The following ACTA2 variants were observed in gnomAD, a reference collection of about 807,000 sequenced individuals.
ACTA2 encodes the protein actin, aortic smooth muscle.
ACTA2 carries 12 observed loss-of-function variants against 39.5 expected under a neutral mutation model. The observed-to-expected ratio is 0.30, with a 90% CI of 0.19 to 0.49. The LOEUF is 0.49. Among genes scored for constraint, ACTA2 ranks in the 20% least tolerant of loss-of-function variants. The pLI, the probability that ACTA2 is intolerant of heterozygous loss-of-function variation, is 0.99. For missense variants in ACTA2, 236 were observed against 498.8 expected (o/e 0.47, Z 5.02); for synonymous variants, 158 against 180.6 (o/e 0.88, Z 1.00).
At chr10:88,975,903 T>C (rs1470707174) in intron 1 of ACTA2, among the ~76,000 whole-genome samples, 3 of 152,168 alleles carry the variant, frequency 2.0e-5, no homozygotes, top group Non-Finnish European at 4.4e-5. Flanking sequence ...CATAATACTA[T>C]GCAGTGAGAT....
At chr10:88,967,577 C>A (rs1926203) in intron 1 of ACTA2, among the ~76,000 whole-genome samples, 87,884 of 152,026 alleles carry the variant, frequency 0.58, 26,555 homozygotes, top group Non-Finnish European at 0.66. Flanking sequence ...AAATTATTAC[C>A]TGCAACGCAG....
chr10:88,980,783 A>G (rs1846691744), intron 1 of ACTA2, among the ~76,000 whole-genome samples: 1 of 152,234 alleles, frequency 6.6e-6, no homozygotes, highest in African/African-American at 2.4e-5. Flanking sequence ...GGCAATGATA[A>G]GAAAGAATGA....
chr10:88,951,082 C>T lies in ACTA2; in HGVS notation c.-24+1649G>A, dbSNP rs907947216. On this transcript the variant is annotated intron_variant, in intron 1 of 8. Transcript: ENST00000224784. ...AATGGCTTGCCCTTTCCTTTCCCAC[C>T]CTTCTTTTCCCTTTCCAGATGCTGA... Among the ~76,000 whole-genome samples the T allele has an allele frequency of 2.0e-5, 3 of 152,116 alleles. No individual in the cohort carries two copies. The East Asian group carries it at 5.8e-4, about 29-fold the overall frequency.
intron 2 of ACTA2, 83 bp from the exon 3 acceptor site, chr10:88,947,469 T>C (rs539996537): frequency 8.2e-6 from 13 of 1,585,256 alleles, no homozygotes; most frequent in South Asian, 6.6e-5. Context: ...GGTTAAGTCA[T>C]TGAGATGGGA....
chr10:88,938,370 A>T, intron 7 of ACTA2, 128 bp from the exon 8 acceptor site: 1 of 1,056,288 alleles, frequency 9.5e-7, no homozygotes, highest in Non-Finnish European at 1.5e-6. Flanking sequence ...ATAATCTAGG[A>T]ACCACCTGTC....
chr10:88,980,095 T>C (rs948755463), intron 1 of ACTA2, among the ~76,000 whole-genome samples: 12 of 152,260 alleles, frequency 7.9e-5, no homozygotes, highest in Non-Finnish European at 1.0e-4. Context: ...TATTAATTTT[T>C]AAGTTTTGTT....
chr10:88,988,468 C>T (rs1258305503), intron 1 of ACTA2, among the ~76,000 whole-genome samples: 2 of 129,472 alleles, frequency 1.5e-5, no homozygotes, highest in Non-Finnish European at 3.2e-5. Flanking sequence ...TGTTTTTTTA[C>T]ATAGTCAAGA....
At chr10:88,954,328 A>G (rs1360427125), upstream of ACTA2, among the ~76,000 whole-genome samples, 2 of 152,208 alleles carry the variant, frequency 1.3e-5, no homozygotes, top group African/African-American at 4.8e-5. Flanking sequence ...GGATTTCTCT[A>G]TACTGCTCGG....
intron 1 of ACTA2, among the ~76,000 whole-genome samples, chr10:88,985,479 G>A (rs971061252): frequency 1.6e-4 from 24 of 152,142 alleles, no homozygotes; most frequent in African/African-American, 5.6e-4. Flanking sequence ...TTCTACCCAA[G>A]TGCTCTGGGG....
upstream of ACTA2, among the ~76,000 whole-genome samples, chr10:88,956,024 T>C (rs1252183652): frequency 6.6e-6 from 1 of 152,184 alleles, no homozygotes; most frequent in Admixed American, 6.5e-5. Context: ...GTGAGCACGA[T>C]GTAATTATTA....
intron 1 of ACTA2, among the ~76,000 whole-genome samples, chr10:88,989,850 C>G (rs1487228743): frequency 6.6e-6 from 1 of 152,204 alleles, no homozygotes; most frequent in African/African-American, 2.4e-5. Context: ...CAGTCTGGAA[C>G]TGCATCCAAA....
At position 88,939,494 on chromosome 10, in the gene ACTA2, G is replaced by A. The variant is rs779539824; in HGVS notation, c.808+13C>T. 36 of 1,612,354 alleles carry A rather than the reference G, an allele frequency of 2.2e-5. No individual in the cohort carries two copies. The highest frequency in any genetic ancestry group is 6.7e-5 in the East Asian group (3 of 44,866). ...TGACTCCCCTTCCCAGGAAAAGGGC[G>A]TTTGTTGCCTACCGATGAAGGATGG... On this transcript the variant is annotated intron_variant, in intron 7 of 8. Coordinates refer to ENST00000224784, the MANE Select transcript of ACTA2 (RefSeq NM_001613.4).
Position 88,962,980 on chromosome 10 carries a change from A to AT in ACTA2, c.-23-14028dup, listed in dbSNP as rs199985739. Among the ~76,000 whole-genome samples, 7 of 82,340 alleles carry AT rather than the reference A, an allele frequency of 8.5e-5. No individual in the cohort carries two copies. In the East Asian group the frequency reaches 1.3e-3, roughly 15 times the overall value. 54.0% of individuals were successfully genotyped at this position (82,340 alleles called of 152,430 possible). On this transcript the variant is annotated intron_variant, in intron 1 of 4. Transcript: ENST00000415557. ...ATATATATATATATATATATATAAT[A>AT]TTTTTTTTTTTGCAAAAAGGCACAT... is the stretch of plus-strand genomic sequence containing the variant.
At chr10:88,955,840 G>A (rs1478038361), upstream of ACTA2, among the ~76,000 whole-genome samples, 2 of 152,114 alleles carry the variant, frequency 1.3e-5, no homozygotes, top group Admixed American at 1.3e-4. Context: ...AATACACGGG[G>A]GTTATGATTC....
chr10:88,980,206 G>A (rs1846676394), intron 1 of ACTA2, among the ~76,000 whole-genome samples: 1 of 151,838 alleles, frequency 6.6e-6, no homozygotes, highest in African/African-American at 2.4e-5. Context: ...ACATGAGCAG[G>A]AATTAAACAT....
In ACTA2 at chr10:88,990,872, C is replaced by A. The variant is rs193250321; in HGVS notation, c.-24+67G>T. 13 of 1,614,238 alleles carry A rather than the reference C, an allele frequency of 8.1e-6. 1 individual carries two copies. Among genetic ancestry groups the A allele is most frequent in the Middle Eastern group, 1.6e-4 (1 of 6,062 alleles). ...TCTTTCACTTCGGAGGATTGCTCAACAACCATGCTGGGCATCTGGACCCTC... is the reference window on the plus strand; with the variant it reads ...TCTTTCACTTCGGAGGATTGCTCAAAAACCATGCTGGGCATCTGGACCCTC... On this transcript the variant is annotated intron_variant, in intron 1 of 4. Coordinates refer to the ACTA2 transcript ENST00000415557. This position sits in a 1 kb window ranked among gnomAD's most constrained non-coding sequence, Gnocchi z 4.9.
Position 88,946,275 on chromosome 10 carries a change from C to CTTTT in ACTA2, c.258+979_258+982dup, listed in dbSNP as rs35702314. 6.7e-4 allele frequency among the ~76,000 whole-genome samples: 79 copies of CTTTT among 117,066 alleles called. 2 individuals are homozygous for CTTTT. Among genetic ancestry groups the CTTTT allele is most frequent in the African/African-American group, 1.8e-3 (55 of 30,394 alleles). 76.8% of individuals were successfully genotyped at this position (117,066 alleles called of 152,430 possible). On this transcript the variant is annotated intron_variant, in intron 3 of 8. Transcript: ENST00000224784. ...TGCCACCACACACTGTTAATTAAAC[C>CTTTT]TTTTTTTTTTTTTTTTTTTCAGTAG...
chr10:88,947,770 T>C (rs531476451), intron 2 of ACTA2, among the ~76,000 whole-genome samples: 1 of 152,330 alleles, frequency 6.6e-6, no homozygotes, highest in Admixed American at 6.5e-5. Context: ...TACATATTTG[T>C]TAAATGGCAT....
intron 4 of ACTA2, chr10:88,943,553 G>A: frequency 1.8e-6 from 1 of 545,642 alleles, no homozygotes. Context: ...CTTAAACGTG[G>A]CCCCTTCTCA....
Sources: allele counts gnomAD v4.1 joint callset (sites outside exome capture counted in the v4.1 genomes callset), GRCh38; gene constraint gnomAD v4.1.1; non-coding constraint Gnocchi (gnomAD v3.1); transcripts MANE v1.5; gene names NCBI Gene and HGNC (gene_info 2026-07-23, HGNC 2026-07-21).